The following COL19A1 variants were observed in gnomAD, a reference collection of about 807,000 sequenced individuals.
COL19A1 encodes the protein collagen type XIX alpha 1 chain, also known as collagen alpha-1(XIX) chain.
In COL19A1, 159 loss-of-function variants were observed where a neutral mutation model predicts 190.2. The ratio of observed to expected loss-of-function variants is 0.84; its 90% confidence interval spans 0.73 to 0.95. COL19A1 has a LOEUF of 0.95. COL19A1 is among the 40% of genes least tolerant of loss of function. COL19A1 has a pLI of 0.00. For synonymous variants in COL19A1, 509 were observed against 458.9 expected, an observed-to-expected ratio of 1.11 and a Z score of -1.39; for missense variants, 1,418 against 1,431.9, an observed-to-expected ratio of 0.99 and a Z score of 0.16.
At chr6:70,172,753 G>T (rs908740853) in intron 41 of COL19A1, among the ~76,000 whole-genome samples, 5 of 152,282 alleles carry the variant, frequency 3.3e-5, no homozygotes, top group Admixed American at 1.3e-4. Context: ...CTAATAAAAA[G>T]GCTTAACAGC....
At chr6:69,955,902 AC>A (rs1774394900) in intron 9 of COL19A1, among the ~76,000 whole-genome samples, 1 of 152,052 alleles carries the variant, frequency 6.6e-6, no homozygotes, top group Non-Finnish European at 1.5e-5. Flanking sequence ...TTATTCAGTA[AC>A]CACACAGTGA....
intron 15 of COL19A1, among the ~76,000 whole-genome samples, chr6:70,073,446 G>T (rs1781678849): frequency 6.6e-6 from 1 of 152,206 alleles, no homozygotes; most frequent in African/African-American, 2.4e-5. Context: ...TGCCATGTCG[G>T]TGTTAGCCTA....
At chr6:70,154,205 G>A (rs568866862) in intron 31 of COL19A1, among the ~76,000 whole-genome samples, 10 of 148,558 alleles carry the variant, frequency 6.7e-5, no homozygotes, top group African/African-American at 2.2e-4. Flanking sequence ...GAGAACATAC[G>A]GTGTTTGGTT....
intron 2 of COL19A1, among the ~76,000 whole-genome samples, chr6:69,885,221 C>G (rs1437733178): frequency 1.3e-5 from 2 of 152,074 alleles, no homozygotes; most frequent in African/African-American, 2.4e-5. Flanking sequence ...GTCCTTCAAG[C>G]CAAATCAGGA....
Position 69,928,047 on chromosome 6 carries a change from G to A in COL19A1, c.390+15G>A. The A allele has an allele frequency of 6.2e-7, 1 of 1,608,422 alleles. No individual in the cohort carries two copies. The highest frequency in any genetic ancestry group is 1.7e-4 in the Middle Eastern group (1 of 6,036). On this transcript the variant is annotated intron_variant, in intron 5 of 50. Coordinates refer to ENST00000620364, the MANE Select transcript of COL19A1 (RefSeq NM_001858.6). Reference sequence around the variant, plus strand: ...ATATTCCACAGGTAAAGTACCATTAGAGTTGTGCTCATTAGTTTTCCTTGT... The same window carrying A: ...ATATTCCACAGGTAAAGTACCATTAAAGTTGTGCTCATTAGTTTTCCTTGT...
intron 15 of COL19A1, among the ~76,000 whole-genome samples, chr6:70,078,672 C>T (rs1273124798): frequency 6.6e-6 from 1 of 152,142 alleles, no homozygotes; most frequent in Admixed American, 6.6e-5. Flanking sequence ...TGCACCTGTA[C>T]AGAGGTGAAA....
intron 14 of COL19A1, among the ~76,000 whole-genome samples, chr6:70,064,545 T>G (rs887458334): frequency 1.3e-5 from 2 of 152,270 alleles, no homozygotes; most frequent in African/African-American, 4.8e-5. Flanking sequence ...CTTTGAAAAC[T>G]GGCACAAGAC....
chr6:69,965,397 C>G (rs191765088), intron 11 of COL19A1, among the ~76,000 whole-genome samples: 7 of 152,210 alleles, frequency 4.6e-5, no homozygotes, highest in African/African-American at 1.4e-4. Flanking sequence ...CAGTGGAAAC[C>G]AACTGGAGTA....
intron 14 of COL19A1, among the ~76,000 whole-genome samples, chr6:70,051,003 CT>C (rs1028207121): frequency 3.3e-5 from 5 of 152,106 alleles, no homozygotes; most frequent in African/African-American, 1.2e-4. Context: ...GTTATTTTAG[CT>C]TGGGCATATC....
At chr6:70,131,410 C>T (rs1785513455) in intron 18 of COL19A1, among the ~76,000 whole-genome samples, 1 of 152,124 alleles carries the variant, frequency 6.6e-6, no homozygotes, top group African/African-American at 2.4e-5. Context: ...AAGATAGTCT[C>T]ACCAGAAACT....
chr6:70,000,231 G>C (rs1562075580), intron 11 of COL19A1, among the ~76,000 whole-genome samples: 1 of 152,186 alleles, frequency 6.6e-6, no homozygotes, highest in Non-Finnish European at 1.5e-5. Context: ...GTATTCCATG[G>C]TGTATATGTA....
At chr6:70,185,139 C>G (rs1425064233) in intron 46 of COL19A1, among the ~76,000 whole-genome samples, 1 of 152,168 alleles carries the variant, frequency 6.6e-6, no homozygotes, top group Non-Finnish European at 1.5e-5. Flanking sequence ...GCCAAGTATA[C>G]TTTGCTGTTT....
intron 1 of COL19A1, among the ~76,000 whole-genome samples, chr6:69,870,062 T>G (rs1372899361): frequency 2.6e-5 from 4 of 152,244 alleles, no homozygotes; most frequent in African/African-American, 4.8e-5. Flanking sequence ...TTTACTCTAT[T>G]TCTCCATCAT....
Position 70,206,949 on chromosome 6 carries a change from C to T in COL19A1, c.3272C>T (p.Pro1091Leu). ...AGAGGTGAACCTGGAATTGGGCTGC[C>T]AGGGAGTCCAGGTCTTCCTGGGACT... ...GERGEPGIGL[P>L]GSPGLPGTSA... Residue 1091 changes from proline (P) to leucine (L), a missense_variant, in exon 50 of 51, where the codon CCA becomes CTA. Coordinates refer to ENST00000620364, the MANE Select transcript of COL19A1 (RefSeq NM_001858.6). 3 of 1,613,830 alleles carry T rather than the reference C, an allele frequency of 1.9e-6. No individual in the cohort carries two copies. The highest frequency in any genetic ancestry group is 2.5e-6 in the Non-Finnish European group (3 of 1,179,898).
intron 11 of COL19A1, among the ~76,000 whole-genome samples, chr6:70,009,782 A>C (rs1223144824): frequency 6.6e-6 from 1 of 152,180 alleles, no homozygotes; most frequent in Non-Finnish European, 1.5e-5. Context: ...ATGTAAACCC[A>C]CATATATCTA....
At chr6:70,072,605 G>A (rs1042432767) in intron 15 of COL19A1, among the ~76,000 whole-genome samples, 3 of 151,998 alleles carry the variant, frequency 2.0e-5, no homozygotes, top group African/African-American at 7.2e-5. Context: ...TCCCCTCTCT[G>A]GGCAACCATC....
chr6:69,900,349 A>T lies in COL19A1; in HGVS notation c.266+11A>T. 7.3e-7 allele frequency: 1 copy of T among 1,368,654 alleles called. No homozygotes were observed. Among genetic ancestry groups the T allele is most frequent in the Non-Finnish European group, 1.0e-6 (1 of 1,002,546 alleles). The allele number at this position is 1,368,654 out of a possible 1,614,324, so 84.8% of individuals were successfully genotyped here. A position where few individuals can be genotyped will look rare whatever the true frequency, so the allele number is the denominator to read the frequency against. On this transcript the variant is annotated intron_variant, in intron 4 of 50. Coordinates refer to ENST00000620364, the MANE Select transcript of COL19A1 (RefSeq NM_001858.6). ...TATTAGAGACACTATGTAAGTAAAAAATTATTTTCTTTATGTTTAATAATA... is the reference window on the plus strand; with the variant it reads ...TATTAGAGACACTATGTAAGTAAAATATTATTTTCTTTATGTTTAATAATA...
intron 15 of COL19A1, chr6:70,098,257 G>T: frequency 3.7e-6 from 1 of 271,084 alleles, no homozygotes; most frequent in East Asian, 8.5e-5. Context: ...CTTTTTTCTT[G>T]GCCTAATTAT....
At chr6:69,870,007 A>G (rs1270930265) in intron 1 of COL19A1, among the ~76,000 whole-genome samples, 3 of 152,192 alleles carry the variant, frequency 2.0e-5, no homozygotes, top group African/African-American at 7.2e-5. Flanking sequence ...TTTTTGTCCC[A>G]CTAAGTAACT....
Sources: allele counts gnomAD v4.1 joint callset (sites outside exome capture counted in the v4.1 genomes callset), GRCh38; gene constraint gnomAD v4.1.1; transcripts MANE v1.5; gene names NCBI Gene and HGNC (gene_info 2026-07-23, HGNC 2026-07-21).